Variants in CAMK4 observed in about 807,000 individuals in gnomAD.
The protein encoded by CAMK4 is calcium/calmodulin-dependent protein kinase type IV.
A neutral mutation model predicts 44.9 loss-of-function variants in CAMK4; 22 were observed. The observed-to-expected ratio is 0.49, with a 90% CI of 0.35 to 0.70. The LOEUF is 0.70. Ranked by LOEUF, CAMK4 falls within the 30% of genes least tolerant of loss-of-function variation. The pLI is 0.01. For missense variants in CAMK4, 498 were observed against 586.8 expected (o/e 0.85, Z 1.56); for synonymous variants, 218 against 215.4 (o/e 1.01, Z -0.11).
intron 4 of CAMK4, among the ~76,000 whole-genome samples, chr5:111,379,203 A>C (rs2112831888): frequency 6.6e-6 from 1 of 152,250 alleles, no homozygotes; most frequent in Middle Eastern, 3.4e-3. Context: ...TCATCTACTA[A>C]TAGTGTTTGC....
intron 4 of CAMK4, among the ~76,000 whole-genome samples, chr5:111,382,384 CTGGAGT>C (rs1245502823): frequency 6.6e-6 from 1 of 152,068 alleles, no homozygotes; most frequent in Non-Finnish European, 1.5e-5. Context: ...CCCAGTCTTT[CTGGAGT>C]TGTAGTATGG....
At chr5:111,325,955 A>G (rs886791394) in intron 1 of CAMK4, among the ~76,000 whole-genome samples, 7 of 152,120 alleles carry the variant, frequency 4.6e-5, no homozygotes, top group African/African-American at 1.7e-4. Context: ...TGTGGGATAC[A>G]GCTAAAGTAG....
At chr5:111,334,514 A>T (rs1580609462) in intron 1 of CAMK4, among the ~76,000 whole-genome samples, 5 of 151,674 alleles carry the variant, frequency 3.3e-5, no homozygotes, top group African/African-American at 1.2e-4. Context: ...GCTCTTTAAT[A>T]TGACACACTT....
chr5:111,439,418 G>A (rs1753751977), intron 5 of CAMK4, among the ~76,000 whole-genome samples: 1 of 152,112 alleles, frequency 6.6e-6, no homozygotes, highest in South Asian at 2.1e-4. Context: ...AGCCACTAAG[G>A]AGGGAGAGCC....
At chr5:111,267,578 C>G (rs1750309079) in intron 1 of CAMK4, among the ~76,000 whole-genome samples, 1 of 151,630 alleles carries the variant, frequency 6.6e-6, no homozygotes, top group Admixed American at 6.6e-5. Context: ...GTGGCGGGCG[C>G]CTGTAGTCCC....
chr5:111,399,819 G>A lies in CAMK4; in HGVS notation c.459+5037G>A, dbSNP rs80254621. Among the ~76,000 whole-genome samples the A allele has an allele frequency of 2.6e-4, 40 of 152,122 alleles. No homozygotes were observed. The East Asian group carries it at 5.2e-3, about 20-fold the overall frequency. ...GTATGTTCTTTCTTTACCTCTGTCCGTTCAGATCAGCTCTTGATTCTTTAG... is the reference window on the plus strand; with the variant it reads ...GTATGTTCTTTCTTTACCTCTGTCCATTCAGATCAGCTCTTGATTCTTTAG... On this transcript the variant is annotated intron_variant, in intron 5 of 10. Coordinates refer to ENST00000282356, the MANE Select transcript of CAMK4 (RefSeq NM_001744.6).
intron 9 of CAMK4, among the ~76,000 whole-genome samples, chr5:111,478,933 A>G (rs1755336861): frequency 6.6e-6 from 1 of 152,154 alleles, no homozygotes; most frequent in South Asian, 2.1e-4. Context: ...GCTGGAGTGT[A>G]ATGGCATGAT....
rs1305033597 is a variant in CAMK4 at position 111,487,299 on chromosome 5, T to C, written c.*2833T>C. On this transcript the variant is annotated 3_prime_UTR_variant, in exon 11 of 11. Transcript: ENST00000282356. ...TTATGGGTTTTTATTTTGAGATAAGTTCAGCTACATAGCATAAACTAGGTT... is the reference window on the plus strand; with the variant it reads ...TTATGGGTTTTTATTTTGAGATAAGCTCAGCTACATAGCATAAACTAGGTT... 2.0e-5 allele frequency: 3 copies of C among 152,152 alleles called. No homozygotes were observed. Among genetic ancestry groups the C allele is most frequent in the Non-Finnish European group, 2.9e-5 (2 of 68,006 alleles). 9.4% of individuals were successfully genotyped at this position (152,152 alleles called of 1,614,324 possible). A position where few individuals can be genotyped will look rare whatever the true frequency, so the allele number is the denominator to read the frequency against.
intron 1 of CAMK4, among the ~76,000 whole-genome samples, chr5:111,274,744 G>C (rs1420344969): frequency 6.6e-6 from 1 of 152,020 alleles, no homozygotes; most frequent in Admixed American, 6.6e-5. Flanking sequence ...CATTACATGT[G>C]AAATAACTTT....
At chr5:111,410,556 T>C (rs571029713) in intron 5 of CAMK4, among the ~76,000 whole-genome samples, 2 of 152,198 alleles carry the variant, frequency 1.3e-5, no homozygotes, top group Non-Finnish European at 2.9e-5. Flanking sequence ...GAGGATGGGT[T>C]GGGACCATAA....
At chr5:111,279,352 C>G (rs907114528) in intron 1 of CAMK4, among the ~76,000 whole-genome samples, 4 of 152,122 alleles carry the variant, frequency 2.6e-5, no homozygotes, top group African/African-American at 7.2e-5. Context: ...GTCATCATAG[C>G]AACACTGGGA....
chr5:111,403,856 T>G (rs1752320707), intron 5 of CAMK4, among the ~76,000 whole-genome samples: 1 of 152,206 alleles, frequency 6.6e-6, no homozygotes, highest in Non-Finnish European at 1.5e-5. Context: ...TCTGCCTACA[T>G]GGACTTCCCT....
At chr5:111,434,610 G>C (rs955021845) in intron 5 of CAMK4, among the ~76,000 whole-genome samples, 2 of 152,184 alleles carry the variant, frequency 1.3e-5, no homozygotes, top group Non-Finnish European at 2.9e-5. Flanking sequence ...ATGGGAGATA[G>C]TAGTTCCTTA....
intron 5 of CAMK4, among the ~76,000 whole-genome samples, chr5:111,444,336 A>G (rs1753954276): frequency 6.6e-6 from 1 of 152,204 alleles, no homozygotes; most frequent in African/African-American, 2.4e-5. Context: ...GTCAACAGGT[A>G]TAAGGTATTT....
At chr5:111,228,509 GGTGTGTGTGTGT>G (rs373248608) in intron 1 of CAMK4, among the ~76,000 whole-genome samples, 55 of 145,352 alleles carry the variant, frequency 3.8e-4, no homozygotes, top group African/African-American at 1.1e-3. Context: ...CATAGTAAGG[GGTGTGTGTGTGT>G]GTGTGTGTGT....
chr5:111,408,698 A>C (rs184914026), intron 5 of CAMK4, among the ~76,000 whole-genome samples: 30 of 152,308 alleles, frequency 2.0e-4, no homozygotes, highest in Admixed American at 1.8e-3. Flanking sequence ...GAGACAAAGC[A>C]AGTCCCTTCT....
intron 1 of CAMK4, among the ~76,000 whole-genome samples, chr5:111,264,868 T>G (rs910799948): frequency 6.6e-6 from 1 of 152,164 alleles, no homozygotes; most frequent in Non-Finnish European, 1.5e-5. Context: ...ATGCTGATAC[T>G]AGCAATCTGC....
chr5:111,470,067 T>A (rs199592999), intron 7 of CAMK4, among the ~76,000 whole-genome samples: 2 of 152,260 alleles, frequency 1.3e-5, no homozygotes, highest in East Asian at 3.8e-4. Flanking sequence ...TCAATATGTG[T>A]GCATTCGGCT....
chr5:111,451,427 A>G (rs942685556), intron 7 of CAMK4, among the ~76,000 whole-genome samples: 1 of 152,000 alleles, frequency 6.6e-6, no homozygotes, highest in Non-Finnish European at 1.5e-5. Flanking sequence ...CCTCCCAAGT[A>G]GCTGGGATTC....
Sources: gnomAD v4.1 joint callset for allele counts (sites outside exome capture counted in the v4.1 genomes callset) on GRCh38, gnomAD v4.1.1 for gene constraint, MANE v1.5 for transcripts, NCBI Gene and HGNC (gene_info 2026-07-23, HGNC 2026-07-21) for gene names.